TOM1: variants seen among roughly 807,000 people sequenced by gnomAD.
The protein encoded by TOM1 is target of Myb protein 1.
A neutral mutation model predicts 61.3 loss-of-function variants in TOM1; 38 were observed. That is an observed-to-expected ratio of 0.62 (90% CI 0.48 to 0.81). The LOEUF (loss-of-function observed/expected upper bound fraction) is 0.81. TOM1 is among the 40% of genes least tolerant of loss of function. The pLI, the probability that TOM1 is intolerant of heterozygous loss-of-function variation, is 0.00. For synonymous variants in TOM1, 270 were observed against 268.8 expected, an observed-to-expected ratio of 1.00 and a Z score of -0.04; for missense variants, 591 against 659.6, an observed-to-expected ratio of 0.90 and a Z score of 1.14.
At chr22:35,308,510 C>G (rs1926542774) in intron 1 of TOM1, among the ~76,000 whole-genome samples, 1 of 152,112 alleles carries the variant, frequency 6.6e-6, no homozygotes, top group South Asian at 2.1e-4. Flanking sequence ...TCTTGAACTC[C>G]TGACCTCGTG....
chr22:35,315,316 C>G (rs1569022596), intron 1 of TOM1, among the ~76,000 whole-genome samples: 1 of 152,112 alleles, frequency 6.6e-6, no homozygotes, highest in Non-Finnish European at 1.5e-5. Flanking sequence ...GCCTGTGTGA[C>G]TGGGGCTTGC....
intron 1 of TOM1, among the ~76,000 whole-genome samples, chr22:35,313,552 G>A (rs937419524): frequency 6.6e-6 from 1 of 152,194 alleles, no homozygotes; most frequent in Non-Finnish European, 1.5e-5. Flanking sequence ...GAGGCAGGCA[G>A]TCTTATCCTG....
At position 35,323,544 on chromosome 22, in the gene TOM1, A is replaced by C; in HGVS notation, c.415A>C (p.Thr139Pro). ...CTCGCCCGATCTGACAGGTGTGGTC[A>C]CCATCTATGAGGACCTGCGGAGGAA... The part of the protein sequence containing the change: ...RSSPDLTGVV[T>P]IYEDLRRKGL... The change falls in exon 5 of 15, where the codon ACC becomes CCC. Residue 139 changes from threonine (T) to proline (P), a missense_variant. By Grantham distance (38) the Thr-to-Pro change is conservative. Transcript: ENST00000449058. The surrounding 1 kb of genome is among the most constrained non-coding windows in gnomAD (Gnocchi z 4.2). 6.2e-7 allele frequency: 1 copy of C among 1,614,116 alleles called. No homozygotes were observed. The highest frequency in any genetic ancestry group is 8.5e-7 in the Non-Finnish European group (1 of 1,180,024).
chr22:35,299,658 T>G, upstream of TOM1: 1 of 502,584 alleles, frequency 2.0e-6, no homozygotes, highest in Non-Finnish European at 3.6e-6. Context: ...GGGCGTGGCT[T>G]AAAGAGGACC....
intron 7 of TOM1, 82 bp downstream of exon 7, chr22:35,327,469 A>G: frequency 1.0e-6 from 1 of 973,014 alleles, no homozygotes; most frequent in South Asian, 1.4e-5. Flanking sequence ...TCCTCATGAC[A>G]GTCTTCATGG....
rs894524422 is a variant in TOM1, at chr22:35,333,266, A to G, written c.934-138A>G. 4.1e-5 allele frequency: 36 copies of G among 873,836 alleles called. No homozygotes were observed. In the African/African-American group the frequency reaches 5.4e-4, roughly 13 times the overall value. The allele number at this position is 873,836 out of a possible 1,614,324, so 54.1% of individuals were successfully genotyped here. On this transcript the variant is annotated intron_variant, in intron 9 of 14. Transcript: ENST00000449058. ...GCTGGAGCCAGAGGGGAGGAAGGAA[A>G]TTCCCTGATGCCCAGTCCTAGCTCC... is the stretch of plus-strand genomic sequence containing the variant.
At chr22:35,327,481 T>C in intron 7 of TOM1, 94 bp downstream of exon 7, 2 of 872,278 alleles carry the variant, frequency 2.3e-6, no homozygotes, top group Non-Finnish European at 3.7e-6. Flanking sequence ...TCTTCATGGC[T>C]TACTCCATAC....
chr22:35,333,743 A>G (rs531640004), intron 10 of TOM1, among the ~76,000 whole-genome samples: 1 of 152,122 alleles, frequency 6.6e-6, no homozygotes, highest in African/African-American at 2.4e-5. Context: ...GGCCCTCTAC[A>G]CTGAATTCTC....
At chr22:35,333,210 G>C (rs1928990685) in intron 9 of TOM1, 194 bp from the exon 10 acceptor site, 1 of 786,786 alleles carries the variant, frequency 1.3e-6, no homozygotes, top group South Asian at 1.7e-5. Flanking sequence ...ATGCCCCAGG[G>C]TCTCCCCAAC....
At chr22:35,301,274 AAAT>A (rs1403987302) in intron 1 of TOM1, among the ~76,000 whole-genome samples, 1 of 151,508 alleles carries the variant, frequency 6.6e-6, no homozygotes, top group African/African-American at 2.4e-5. Flanking sequence ...ATATATATAA[AAAT>A]ATACACATAC....
chr22:35,321,797 G>T (rs1457191986), intron 2 of TOM1, 162 bp from the exon 3 acceptor site: 2 of 746,296 alleles, frequency 2.7e-6, no homozygotes, highest in South Asian at 1.4e-5. Context: ...GCTAAGCAAT[G>T]GGCTAGGAAG....
chr22:35,322,038 G>A lies in TOM1; in HGVS notation c.216+1G>A. On this transcript the variant is annotated splice_donor_variant, in intron 3 of 14. Coordinates refer to ENST00000449058, the MANE Select transcript of TOM1 (RefSeq NM_005488.3). LOFTEE classifies it high-confidence loss of function. ...CCACGAGGTGATGCTGGCTCTCACA[G>A]TGAGTGCCCCATCTGTCTGTCCTGT... is the stretch of plus-strand genomic sequence containing the variant. 1 of 1,614,042 alleles carries A rather than the reference G, an allele frequency of 6.2e-7. No individual in the cohort carries two copies. Among genetic ancestry groups the A allele is most frequent in the Non-Finnish European group, 8.5e-7 (1 of 1,179,928 alleles).
intron 8 of TOM1, 83 bp downstream of exon 8, chr22:35,330,563 C>A: frequency 7.4e-7 from 1 of 1,343,510 alleles, no homozygotes. Flanking sequence ...TGGTCTCATG[C>A]CATCTGAGCC....
In TOM1 at chr22:35,330,530, C is replaced by T. The variant is rs1601698877; in HGVS notation, c.899+50C>T. The stretch of plus-strand genomic sequence containing the variant: ...TCTGGCCTACTGCCCCAACCCTCTC[C>T]CTTCCCTTCCTCCCTGTTCTCCTGG... On this transcript the variant is annotated intron_variant, in intron 8 of 14. Coordinates refer to ENST00000449058, the MANE Select transcript of TOM1 (RefSeq NM_005488.3). 2.0e-6 allele frequency: 3 copies of T among 1,530,352 alleles called. No individual in the cohort carries two copies. In the African/African-American group the frequency reaches 4.2e-5, roughly 21 times the overall value. The allele number at this position is 1,530,352 out of a possible 1,614,324, so 94.8% of individuals were successfully genotyped here.
At position 35,323,641 on chromosome 22, in the gene TOM1, T is replaced by G. The variant is rs558199059; in HGVS notation, c.501+11T>G. On this transcript the variant is annotated intron_variant, in intron 5 of 14. Transcript: ENST00000449058. This position sits in a 1 kb window ranked among gnomAD's most constrained non-coding sequence, Gnocchi z 4.2. ...CACACACCCCAGAGGGTGAGAGAAC[T>G]GCCGTACCGGGAACCAAGGGAAGGG... The G allele has an allele frequency of 2.5e-4, 396 of 1,614,088 alleles. 5 individuals carry two copies. The Admixed American group carries it at 6.4e-3, about 26-fold the overall frequency.
intron 1 of TOM1, among the ~76,000 whole-genome samples, chr22:35,307,531 C>T (rs940958373): frequency 2.6e-5 from 4 of 152,224 alleles, no homozygotes; most frequent in Non-Finnish European, 2.9e-5. Context: ...AGCTCCGCCC[C>T]TTCCCGGCTG....
rs553774835 is a variant in TOM1, at chr22:35,322,017, G to A, written c.196G>A (p.Glu66Lys). ...KRIVGNKNFH[E>K]VMLALTVLET... ...AATCGTGGGGAATAAGAACTTCCAC[G>A]AGGTGATGCTGGCTCTCACAGTGAG... Residue 66 changes from glutamate (E) to lysine (K), a missense_variant, in exon 3 of 15, where the codon GAG (glutamate) becomes AAG (lysine). Transcript: ENST00000449058. 1.9e-6 allele frequency: 3 copies of A among 1,614,134 alleles called. No homozygotes were observed. The highest frequency in any genetic ancestry group is 1.7e-5 in the Admixed American group (1 of 60,030).
At position 35,330,910 on chromosome 22, in the gene TOM1, T is replaced by A. The variant is rs374037100; in HGVS notation, c.899+430T>A. 3.5e-3 allele frequency among the ~76,000 whole-genome samples: 531 copies of A among 152,314 alleles called. 8 individuals carry two copies. Among genetic ancestry groups the A allele is most frequent in the South Asian group, 0.022 (104 of 4,826 alleles). On this transcript the variant is annotated intron_variant, in intron 8 of 14. Transcript: ENST00000449058. Reference sequence around the variant, plus strand: ...AAGAATTTGTTAGGATAATAATCTTTATTAAATGGGTAGCTTTCAGAATCC... The same window carrying A: ...AAGAATTTGTTAGGATAATAATCTTAATTAAATGGGTAGCTTTCAGAATCC...
rs541682668 is a variant in TOM1, at chr22:35,342,692, C to T, written c.1225-3033C>T. 5.9e-5 allele frequency among the ~76,000 whole-genome samples: 9 copies of T among 151,882 alleles called. No homozygotes were observed. In the South Asian group the frequency reaches 1.9e-3, roughly 31 times the overall value. ...CCACAATACCTGCCTCATCCCTCTA[C>T]ACCAGCCGCCACATCCACCACACAC... is the stretch of plus-strand genomic sequence containing the variant. On this transcript the variant is annotated intron_variant, in intron 12 of 14. Coordinates refer to ENST00000449058, the MANE Select transcript of TOM1 (RefSeq NM_005488.3).
Sources: gnomAD v4.1 joint callset for allele counts (sites outside exome capture counted in the v4.1 genomes callset) on GRCh38, gnomAD v4.1.1 for gene constraint, Gnocchi (gnomAD v3.1) non-coding constraint, MANE v1.5 for transcripts, NCBI Gene and HGNC (gene_info 2026-07-23, HGNC 2026-07-21) for gene names.